Variants in ZBTB7C observed in about 807,000 individuals in gnomAD.
ZBTB7C encodes the protein zinc finger and BTB domain-containing protein 7C.
In ZBTB7C, 8 loss-of-function variants were observed where a neutral mutation model predicts 25.7. That is an observed-to-expected ratio of 0.31 (90% CI 0.18 to 0.56). ZBTB7C has a LOEUF of 0.56. Ranked by LOEUF, ZBTB7C falls within the 20% of genes least tolerant of loss-of-function variation. ZBTB7C has a pLI of 0.91. For missense variants in ZBTB7C, 824 were observed against 855.2 expected (o/e 0.96, Z 0.46); for synonymous variants, 394 against 369.0 (o/e 1.07, Z -0.78).
At chr18:48,191,769 G>C (rs906548924) in intron 2 of ZBTB7C, among the ~76,000 whole-genome samples, 2 of 152,166 alleles carry the variant, frequency 1.3e-5, no homozygotes, top group Non-Finnish European at 2.9e-5. Context: ...CAGTGACAGG[G>C]AGGCAGCAGC....
At chr18:48,269,221 C>T (rs2044404058) in intron 2 of ZBTB7C, among the ~76,000 whole-genome samples, 1 of 152,136 alleles carries the variant, frequency 6.6e-6, no homozygotes, top group South Asian at 2.1e-4. Flanking sequence ...ATCTCAGCCT[C>T]CCAAAGTGCT....
intron 2 of ZBTB7C, among the ~76,000 whole-genome samples, chr18:48,291,371 T>C (rs988585083): frequency 3.9e-5 from 6 of 152,130 alleles, no homozygotes; most frequent in Non-Finnish European, 8.8e-5. Context: ...CTGGCCTGGA[T>C]TCAACAAAGC....
intron 3 of ZBTB7C, among the ~76,000 whole-genome samples, chr18:48,108,888 T>C (rs2039131456): frequency 6.6e-6 from 1 of 152,070 alleles, no homozygotes. Context: ...CTCCTTTATA[T>C]GGAATCTGTG....
At chr18:48,387,862 G>A (rs993904735) in intron 1 of ZBTB7C, among the ~76,000 whole-genome samples, 3 of 151,950 alleles carry the variant, frequency 2.0e-5, no homozygotes, top group Non-Finnish European at 4.4e-5. Context: ...TGTTTGTTTT[G>A]AGACAGGGTC....
At chr18:48,154,012 G>A (rs1294664419) in intron 3 of ZBTB7C, among the ~76,000 whole-genome samples, 4 of 152,138 alleles carry the variant, frequency 2.6e-5, no homozygotes, top group Non-Finnish European at 5.9e-5. Flanking sequence ...TGGGAAACTC[G>A]GAAAGGGAGG....
chr18:48,183,725 G>C (rs2041986400), intron 3 of ZBTB7C, among the ~76,000 whole-genome samples: 1 of 152,128 alleles, frequency 6.6e-6, no homozygotes, highest in African/African-American at 2.4e-5. Context: ...GACATTCTCG[G>C]GTCCTTGCTC....
At chr18:48,178,343 C>T (rs998049328) in intron 3 of ZBTB7C, among the ~76,000 whole-genome samples, 4 of 152,178 alleles carry the variant, frequency 2.6e-5, no homozygotes, top group African/African-American at 7.2e-5. Context: ...GGATCTGCTG[C>T]GAAGCCATTC....
chr18:48,077,862 A>G (rs2037832937), intron 3 of ZBTB7C, among the ~76,000 whole-genome samples: 3 of 152,124 alleles, frequency 2.0e-5, no homozygotes, highest in Admixed American at 2.0e-4. Flanking sequence ...AGACCCACCA[A>G]GAGCCTCTTT....
At chr18:48,088,414 A>G (rs1429416944) in intron 3 of ZBTB7C, 4 of 152,228 alleles carry the variant, frequency 2.6e-5, no homozygotes, top group African/African-American at 9.7e-5. Flanking sequence ...GGAGCAGGAT[A>G]TACATTCTAG....
chr18:48,117,879 TG>T (rs2039495039), intron 3 of ZBTB7C, among the ~76,000 whole-genome samples: 1 of 152,270 alleles, frequency 6.6e-6, no homozygotes, highest in African/African-American at 2.4e-5. Flanking sequence ...TTGCCAGCCC[TG>T]GCTATTCTAA....
At position 48,041,908 on chromosome 18, in the gene ZBTB7C, T is replaced by TGTCA. The variant is rs563590854; in HGVS notation, c.-16-789_-16-786dup. Among the ~76,000 whole-genome samples the TGTCA allele has an allele frequency of 4.3e-4, 66 of 152,362 alleles. No individual in the cohort carries two copies. The East Asian group carries it at 0.01, about 24-fold the overall frequency. On this transcript the variant is annotated intron_variant, in intron 3 of 4. Coordinates refer to ENST00000590800, the MANE Select transcript of ZBTB7C (RefSeq NM_001318841.2). ...TAGTTAATTTTTCATGTCTAAATTC[T>TGTCA]GTCAGCCTCATGAAAATATCAACCC...
At chr18:48,189,780 C>A (rs2145150996) in intron 2 of ZBTB7C, among the ~76,000 whole-genome samples, 1 of 152,296 alleles carries the variant, frequency 6.6e-6, no homozygotes, top group East Asian at 1.9e-4. Flanking sequence ...CTCATTAGAT[C>A]ATTAAGGAAT....
intron 2 of ZBTB7C, among the ~76,000 whole-genome samples, chr18:48,297,132 T>C (rs1442427997): frequency 1.3e-5 from 2 of 152,228 alleles, no homozygotes; most frequent in Non-Finnish European, 2.9e-5. Flanking sequence ...ACGCAGCACA[T>C]ATGCCCGCAT....
At chr18:48,146,584 A>G (rs1013779056) in intron 3 of ZBTB7C, among the ~76,000 whole-genome samples, 3 of 152,176 alleles carry the variant, frequency 2.0e-5, no homozygotes, top group Non-Finnish European at 4.4e-5. Flanking sequence ...TGTGACAGAC[A>G]ATTCGCAATT....
At chr18:48,334,526 A>G (rs2046416935) in intron 2 of ZBTB7C, among the ~76,000 whole-genome samples, 1 of 152,190 alleles carries the variant, frequency 6.6e-6, no homozygotes, top group African/African-American at 2.4e-5. Flanking sequence ...TAACTCTATA[A>G]AGGACCTTCA....
chr18:48,329,070 T>C (rs762465331), intron 2 of ZBTB7C, among the ~76,000 whole-genome samples: 4 of 152,178 alleles, frequency 2.6e-5, no homozygotes, highest in East Asian at 3.9e-4. Context: ...GGAGAAGATA[T>C]ATTCTCTGAG....
chr18:48,402,247 GCTCT>G (rs1326328281), intron 1 of ZBTB7C, among the ~76,000 whole-genome samples: 5 of 146,946 alleles, frequency 3.4e-5, no homozygotes, highest in African/African-American at 1.3e-4. Context: ...AGTTCCTCCT[GCTCT>G]CTTATTTTTA....
Position 48,291,952 on chromosome 18 carries a change from C to T in ZBTB7C, c.-79+46222G>A, listed in dbSNP as rs970526043. ...GTGGCTCACACCTGTAATCTCAGCA[C>T]TTTGGGAGGCTGAGGCAGGCAGATC... On this transcript the variant is annotated intron_variant, in intron 2 of 4. Coordinates refer to ENST00000590800, the MANE Select transcript of ZBTB7C (RefSeq NM_001318841.2). Among the ~76,000 whole-genome samples the T allele has an allele frequency of 6.6e-5, 10 of 152,252 alleles. No homozygotes were observed. The South Asian group carries it at 2.1e-3, about 32-fold the overall frequency.
chr18:48,031,957 A>G (rs2144077008), intron 4 of ZBTB7C, among the ~76,000 whole-genome samples: 1 of 152,234 alleles, frequency 6.6e-6, no homozygotes, highest in South Asian at 2.1e-4. Flanking sequence ...GGCCTCCACA[A>G]ATTCACCCAG....
Sources: allele counts gnomAD v4.1 joint callset (sites outside exome capture counted in the v4.1 genomes callset), GRCh38; gene constraint gnomAD v4.1.1; transcripts MANE v1.5; gene names NCBI Gene and HGNC (gene_info 2026-07-23, HGNC 2026-07-21).